The following GALNTL6 variants were observed in gnomAD, a reference collection of about 807,000 sequenced individuals.
The protein encoded by GALNTL6 is polypeptide N-acetylgalactosaminyltransferase like 6.
GALNTL6 carries 46 observed loss-of-function variants against 73.7 expected under a neutral mutation model. The observed-to-expected ratio is 0.62, with a 90% CI of 0.49 to 0.80. The LOEUF (loss-of-function observed/expected upper bound fraction) is 0.80. Ranked by LOEUF, GALNTL6 falls within the 30% of genes least tolerant of loss-of-function variation. The pLI, the probability that GALNTL6 is intolerant of heterozygous loss-of-function variation, is 0.00. For synonymous variants in GALNTL6, 259 were observed against 263.7 expected, an observed-to-expected ratio of 0.98 and a Z score of 0.17; for missense variants, 604 against 755.0, an observed-to-expected ratio of 0.80 and a Z score of 2.34.
intron 12 of GALNTL6, among the ~76,000 whole-genome samples, chr4:173,028,710 G>C (rs565101252): frequency 6.6e-6 from 1 of 152,130 alleles, no homozygotes; most frequent in Non-Finnish European, 1.5e-5. Flanking sequence ...ACCCCAACCT[G>C]TGCTGGATAA....
intron 3 of GALNTL6, among the ~76,000 whole-genome samples, chr4:172,254,574 G>A (rs1397148790): frequency 6.6e-6 from 1 of 151,602 alleles, no homozygotes; most frequent in Non-Finnish European, 1.5e-5. Flanking sequence ...ACTTAACATT[G>A]TCCCCTCTTT....
chr4:172,736,211 G>A (rs1206011958), intron 5 of GALNTL6, among the ~76,000 whole-genome samples: 1 of 152,144 alleles, frequency 6.6e-6, no homozygotes, highest in East Asian at 1.9e-4. Flanking sequence ...GCTGGGGGGC[G>A]CTGCAGGTGA....
At chr4:172,435,819 T>C (rs533509619) in intron 5 of GALNTL6, among the ~76,000 whole-genome samples, 109 of 152,160 alleles carry the variant, frequency 7.2e-4, no homozygotes, top group African/African-American at 2.3e-3. Flanking sequence ...AAGTTAGAAA[T>C]AAGAATAGTA....
intron 7 of GALNTL6, among the ~76,000 whole-genome samples, chr4:172,828,574 G>T (rs952703679): frequency 6.6e-6 from 1 of 151,918 alleles, no homozygotes; most frequent in Admixed American, 6.6e-5. Context: ...TAAAAAAAGA[G>T]AAAAAAACAG....
At chr4:172,877,179 A>T (rs1745235723) in intron 7 of GALNTL6, among the ~76,000 whole-genome samples, 1 of 152,138 alleles carries the variant, frequency 6.6e-6, no homozygotes, top group Non-Finnish European at 1.5e-5. Context: ...ATGTATGTTT[A>T]TCTTTAAATA....
chr4:171,950,167 A>G (rs1422684512), intron 2 of GALNTL6, among the ~76,000 whole-genome samples: 2 of 152,222 alleles, frequency 1.3e-5, no homozygotes, highest in African/African-American at 4.8e-5. Flanking sequence ...TCATAACTTA[A>G]TAACAGTCAA....
intron 2 of GALNTL6, among the ~76,000 whole-genome samples, chr4:172,059,819 G>A (rs1190130053): frequency 1.3e-5 from 2 of 152,188 alleles, no homozygotes; most frequent in African/African-American, 2.4e-5. Context: ...AAACACATCT[G>A]TCATTGTCAT....
chr4:172,296,294 A>G (rs1330863453), intron 3 of GALNTL6, among the ~76,000 whole-genome samples: 1 of 152,190 alleles, frequency 6.6e-6, no homozygotes, highest in Non-Finnish European at 1.5e-5. Context: ...TTAAGCCAAC[A>G]TTGTATTTTT....
At chr4:171,904,190 T>C (rs1025661887) in intron 2 of GALNTL6, among the ~76,000 whole-genome samples, 1 of 152,124 alleles carries the variant, frequency 6.6e-6, no homozygotes, top group African/African-American at 2.4e-5. Flanking sequence ...ACGATCAAAT[T>C]ACTCCAAGCT....
At chr4:172,183,906 C>T (rs1735337624) in intron 2 of GALNTL6, among the ~76,000 whole-genome samples, 1 of 151,478 alleles carries the variant, frequency 6.6e-6, no homozygotes, top group African/African-American at 2.4e-5. Context: ...GATTCTCCTG[C>T]CTCAGCCTCC....
chr4:172,118,045 A>G (rs1733034029), intron 2 of GALNTL6, among the ~76,000 whole-genome samples: 1 of 152,128 alleles, frequency 6.6e-6, no homozygotes, highest in Admixed American at 6.5e-5. Flanking sequence ...TTTGTGCATT[A>G]GAATATGTGA....
In GALNTL6 at chr4:172,809,300, A is replaced by G; in HGVS notation, c.554-61A>G. 7.4e-7 allele frequency: 1 copy of G among 1,354,316 alleles called. No individual in the cohort carries two copies. The highest frequency in any genetic ancestry group is 1.2e-5 in the South Asian group (1 of 80,056). 83.9% of individuals were successfully genotyped at this position (1,354,316 alleles called of 1,614,324 possible). A position where few individuals can be genotyped will look rare whatever the true frequency, so the allele number is the denominator to read the frequency against. The stretch of plus-strand genomic sequence containing the variant: ...TACTCTCTATGCACAAACAACCGTG[A>G]ATAATTCAGCTGCAACTAATGTTTT... On this transcript the variant is annotated intron_variant, in intron 5 of 12. Coordinates refer to ENST00000506823, the MANE Select transcript of GALNTL6 (RefSeq NM_001034845.3). The surrounding 1 kb of genome is among the most constrained non-coding windows in gnomAD (Gnocchi z 4.4).
At chr4:171,844,812 C>G (rs967620551) in intron 2 of GALNTL6, among the ~76,000 whole-genome samples, 2 of 152,122 alleles carry the variant, frequency 1.3e-5, no homozygotes, top group African/African-American at 4.8e-5. Flanking sequence ...GTAAAGATAA[C>G]AAGCAATTTA....
chr4:172,184,055 T>C (rs1310184535), intron 2 of GALNTL6, among the ~76,000 whole-genome samples: 1 of 152,114 alleles, frequency 6.6e-6, no homozygotes, highest in Admixed American at 6.6e-5. Flanking sequence ...CCTCCCAAAG[T>C]GTGGGATTAC....
intron 7 of GALNTL6, among the ~76,000 whole-genome samples, chr4:172,842,301 G>A (rs1182739207): frequency 6.6e-6 from 1 of 152,146 alleles, no homozygotes; most frequent in Non-Finnish European, 1.5e-5. Context: ...CATCAGAAAT[G>A]TAGAAGACAG....
intron 5 of GALNTL6, among the ~76,000 whole-genome samples, chr4:172,591,954 A>G (rs1737654315): frequency 1.3e-5 from 2 of 152,200 alleles, no homozygotes; most frequent in Non-Finnish European, 2.9e-5. Context: ...TTTGGAGGCC[A>G]ATTAGCATAG....
At chr4:172,247,297 A>G (rs768156118) in intron 3 of GALNTL6, among the ~76,000 whole-genome samples, 1 of 152,140 alleles carries the variant, frequency 6.6e-6, no homozygotes, top group Non-Finnish European at 1.5e-5. Context: ...GAAGCCACAT[A>G]TCATCATGTC....
At chr4:172,613,773 GCT>G (rs1315453848) in intron 5 of GALNTL6, among the ~76,000 whole-genome samples, 1 of 151,948 alleles carries the variant, frequency 6.6e-6, no homozygotes, top group Non-Finnish European at 1.5e-5. Flanking sequence ...CTTCATCTTG[GCT>G]CTGTTTTTCC....
At chr4:172,732,506 A>G (rs907513989) in intron 5 of GALNTL6, among the ~76,000 whole-genome samples, 1 of 152,128 alleles carries the variant, frequency 6.6e-6, no homozygotes, top group African/African-American at 2.4e-5. Flanking sequence ...TTAGTTGGAG[A>G]GTTGAAACCA....
Sources: gnomAD v4.1 joint callset for allele counts (sites outside exome capture counted in the v4.1 genomes callset) on GRCh38, gnomAD v4.1.1 for gene constraint, Gnocchi (gnomAD v3.1) non-coding constraint, MANE v1.5 for transcripts, NCBI Gene and HGNC (gene_info 2026-07-23, HGNC 2026-07-21) for gene names.